LRRC45: variants seen among roughly 807,000 people sequenced by gnomAD.
LRRC45 encodes leucine-rich repeat-containing protein 45.
A neutral mutation model predicts 85.4 loss-of-function variants in LRRC45; 73 were observed. The ratio of observed to expected loss-of-function variants is 0.85; its 90% confidence interval spans 0.71 to 1.04. The LOEUF is 1.04. Ranked by LOEUF, LRRC45 falls within the 50% of genes least tolerant of loss-of-function variation. The probability of loss-of-function intolerance (pLI) is 0.00; values close to 1 mark genes in which losing one functional copy is unlikely to be tolerated. For missense variants in LRRC45, 937 were observed against 883.3 expected (o/e 1.06, Z -0.77); for synonymous variants, 429 against 386.0 (o/e 1.11, Z -1.31).
chr17:82,023,542 GC>G lies in LRRC45; in HGVS notation c.-98del. ...TTGCTCTCCGCCCGGGTCGGCGGAG[GC>G]CCCGTCTCCTGTACCCGGCGCTGGG... On this transcript the variant is annotated 5_prime_UTR_variant, in exon 1 of 17. Coordinates refer to ENST00000306688, the MANE Select transcript of LRRC45 (RefSeq NM_144999.4). 3 of 1,081,296 alleles carry G rather than the reference GC, an allele frequency of 2.8e-6. No individual in the cohort carries two copies. Among genetic ancestry groups the G allele is most frequent in the Non-Finnish European group, 3.8e-6 (3 of 785,252 alleles). 67.0% of individuals were successfully genotyped at this position (1,081,296 alleles called of 1,614,324 possible).
intron 5 of LRRC45, 141 bp downstream of exon 5, chr17:82,025,648 T>A: frequency 9.0e-7 from 1 of 1,115,226 alleles, no homozygotes; most frequent in Admixed American, 3.3e-5. Flanking sequence ...AGCGGAGGGG[T>A]CGTGGGGCAC....
intron 5 of LRRC45, among the ~76,000 whole-genome samples, chr17:82,025,738 T>C (rs983071082): frequency 1.3e-5 from 2 of 152,222 alleles, no homozygotes; most frequent in African/African-American, 4.8e-5. Flanking sequence ...TCTTAGGACC[T>C]GTGCAGTGGA....
intron 8 of LRRC45, 32 bp from the exon 9 acceptor site, chr17:82,027,979 C>CG (rs1461292334): frequency 6.4e-7 from 1 of 1,568,074 alleles, no homozygotes; most frequent in African/African-American, 1.4e-5. Context: ...AAACTCCAAC[C>CG]GGGGCGGGGG....
Position 82,031,023 on chromosome 17 carries a change from C to A in LRRC45, c.*218C>A, listed in dbSNP as rs1456602120. ...GGCCCCTTCTTCCCGGTCGACGCCACGTGGGAGCACACCGGGAAGGGGTCC... is the reference window on the plus strand; with the variant it reads ...GGCCCCTTCTTCCCGGTCGACGCCAAGTGGGAGCACACCGGGAAGGGGTCC... On this transcript the variant is annotated 3_prime_UTR_variant, in exon 17 of 17. Transcript: ENST00000306688. The A allele has an allele frequency of 1.0e-5, 4 of 396,826 alleles. No homozygotes were observed. In the East Asian group the frequency reaches 1.1e-4, roughly 11 times the overall value. 24.6% of individuals were successfully genotyped at this position (396,826 alleles called of 1,614,324 possible).
rs746956419 is a variant in LRRC45 at position 82,028,700 on chromosome 17, C to T, written c.1308+17C>T. Reference sequence around the variant, plus strand: ...ATCAAGGAGGTGCCCTCTTCGTTGGCCTCTAATGCGCCTCAGTCTCTGGTC... The same window carrying T: ...ATCAAGGAGGTGCCCTCTTCGTTGGTCTCTAATGCGCCTCAGTCTCTGGTC... On this transcript the variant is annotated intron_variant, in intron 12 of 16. Transcript: ENST00000306688. 3 of 1,604,480 alleles carry T rather than the reference C, an allele frequency of 1.9e-6. No homozygotes were observed. In the South Asian group the frequency reaches 3.3e-5, roughly 18 times the overall value.
Position 82,024,662 on chromosome 17 carries a change from G to T in LRRC45, c.283-31G>T, listed in dbSNP as rs372517506. On this transcript the variant is annotated intron_variant, in intron 2 of 16. Transcript: ENST00000306688. The stretch of plus-strand genomic sequence containing the variant: ...GGGAATTCAGAGCCAGTCAGGGCAC[G>T]CGAGTGACTACCGGCCTGTTTCTCT... 23 of 1,561,588 alleles carry T rather than the reference G, an allele frequency of 1.5e-5. No homozygotes were observed. In the African/African-American group the frequency reaches 2.9e-4, roughly 20 times the overall value.
rs1464608893 is a variant in LRRC45, at chr17:82,023,464, C to G, written c.-180C>G. The G allele has an allele frequency of 1.2e-5, 7 of 588,352 alleles. No individual in the cohort carries two copies. The highest frequency in any genetic ancestry group is 6.5e-5 in the Admixed American group (2 of 30,916). The allele number at this position is 588,352 out of a possible 1,614,324, so 36.4% of individuals were successfully genotyped here. ...GGCCCCAGCCCAAAGCGGACCTTGA[C>G]TACCGCCCAGCCCCGCGCTCCCAGG... On this transcript the variant is annotated 5_prime_UTR_variant, in exon 1 of 17. Coordinates refer to ENST00000306688, the MANE Select transcript of LRRC45 (RefSeq NM_144999.4).
At chr17:82,026,828 C>T (rs2043371956) in intron 5 of LRRC45, 71 bp from the exon 6 acceptor site, 6 of 1,293,698 alleles carry the variant, frequency 4.6e-6, no homozygotes, top group Non-Finnish European at 6.5e-6. Context: ...GATCCACCCA[C>T]CTCGACCTCC....
chr17:82,023,712 C>CCTGCAGCAG lies in LRRC45; in HGVS notation c.75_83dup (p.Gln25_Leu27dup). The CCTGCAGCAG allele has an allele frequency of 4.5e-6, 7 of 1,551,060 alleles. No individual in the cohort carries two copies. Among genetic ancestry groups the CCTGCAGCAG allele is most frequent in the Non-Finnish European group, 4.3e-6 (5 of 1,153,196 alleles). On this transcript the variant is annotated inframe_insertion, in exon 1 of 17. Coordinates refer to ENST00000306688, the MANE Select transcript of LRRC45 (RefSeq NM_144999.4). ...GTGGGGCCGAGCCCCAGGAGGCTGTCCTGCAGCAGCTGCACCAGCTTCCCA... is the reference window on the plus strand; with the variant it reads ...GTGGGGCCGAGCCCCAGGAGGCTGTCCTGCAGCAGCTGCAGCAGCTGCACCAGCTTCCCA...
In LRRC45 at chr17:82,031,106, G is replaced by C. The variant is rs2043418123; in HGVS notation, c.*301G>C. ...GTCACCGTGAACGCTGCGGCCGCCTGCGCGCGGCGGGGTTTGGAAATACAG... is the reference window on the plus strand; with the variant it reads ...GTCACCGTGAACGCTGCGGCCGCCTCCGCGCGGCGGGGTTTGGAAATACAG... On this transcript the variant is annotated 3_prime_UTR_variant, in exon 17 of 17. Transcript: ENST00000306688. The C allele has an allele frequency of 2.8e-6, 1 of 352,440 alleles. No homozygotes were observed. Among genetic ancestry groups the C allele is most frequent in the Non-Finnish European group, 5.1e-6 (1 of 196,206 alleles). 21.8% of individuals were successfully genotyped at this position (352,440 alleles called of 1,614,324 possible). A position where few individuals can be genotyped will look rare whatever the true frequency, so the allele number is the denominator to read the frequency against.
chr17:82,023,713 C>G lies in LRRC45; in HGVS notation c.70C>G (p.Leu24Val). Residue 24 changes from leucine (L) to valine (V), a missense_variant, in exon 1 of 17, where the codon CTG (leucine) becomes GTG (valine). Transcript: ENST00000306688. ...TGGGGCCGAGCCCCAGGAGGCTGTCCTGCAGCAGCTGCACCAGCTTCCCAG... is the reference window on the plus strand; with the variant it reads ...TGGGGCCGAGCCCCAGGAGGCTGTCGTGCAGCAGCTGCACCAGCTTCCCAG... ...ESGAEPQEAV[L>V]QQLHQLPRGR... 5 of 1,550,118 alleles carry G rather than the reference C, an allele frequency of 3.2e-6. No homozygotes were observed. Among genetic ancestry groups the G allele is most frequent in the Non-Finnish European group, 4.3e-6 (5 of 1,152,616 alleles).
In LRRC45 at chr17:82,030,004, A is replaced by AT. The variant is rs977487538; in HGVS notation, c.1495-59dup. 2.7e-6 allele frequency: 4 copies of AT among 1,467,826 alleles called. No individual in the cohort carries two copies. The African/African-American group carries it at 5.6e-5, about 21-fold the overall frequency. 90.9% of individuals were successfully genotyped at this position (1,467,826 alleles called of 1,614,324 possible). On this transcript the variant is annotated intron_variant, in intron 14 of 16. Transcript: ENST00000306688. ...GAGGTGGGGTCGTGCCCGTGCAGAC[A>AT]TTCCCTCAGCTGAGCTCAGGCTGAG...
intron 6 of LRRC45, 115 bp downstream of exon 6, chr17:82,027,126 C>T: frequency 5.0e-6 from 5 of 993,812 alleles, no homozygotes; most frequent in Non-Finnish European, 7.6e-6. Context: ...GGCCCTGGAG[C>T]CTCTCTGAGT....
intron 2 of LRRC45, among the ~76,000 whole-genome samples, 162 bp from the exon 3 acceptor site, chr17:82,024,531 C>T (rs943490216): frequency 6.6e-6 from 1 of 152,132 alleles, no homozygotes; most frequent in Non-Finnish European, 1.5e-5. Flanking sequence ...GCAAACAAGC[C>T]GGCCCTTGGA....
chr17:82,024,055 G>T, intron 1 of LRRC45, 192 bp downstream of exon 1: 1 of 714,684 alleles, frequency 1.4e-6, no homozygotes, highest in East Asian at 2.7e-5. Flanking sequence ...CTTAACATTC[G>T]CGGTCTTACC....
In LRRC45 at chr17:82,030,802, G is replaced by A. The variant is rs746089213; in HGVS notation, c.2010G>A (p.Lys670=). Reference sequence around the variant, plus strand: ...CCGTGAGGACCCTGAGCCCCCCAAAGTGAGACAGGCCGGGAGGACCCGGGC... The same window carrying A: ...CCGTGAGGACCCTGAGCCCCCCAAAATGAGACAGGCCGGGAGGACCCGGGC... ...ASPVRTLSPP[K] The change falls in exon 17 of 17, where the codon AAG becomes AAA. Residue 670 remains lysine, a synonymous_variant. Transcript: ENST00000306688. 1 of 1,361,940 alleles carries A rather than the reference G, an allele frequency of 7.3e-7. No individual in the cohort carries two copies. The highest frequency in any genetic ancestry group is 2.0e-5 in the South Asian group (1 of 50,506). The allele number at this position is 1,361,940 out of a possible 1,614,324, so 84.4% of individuals were successfully genotyped here.
chr17:82,025,089 G>T lies in LRRC45; in HGVS notation c.443G>T (p.Arg148Leu). 1.2e-6 allele frequency: 2 copies of T among 1,610,696 alleles called. No homozygotes were observed. Among genetic ancestry groups the T allele is most frequent in the Non-Finnish European group, 8.5e-7 (1 of 1,179,070 alleles). The stretch of plus-strand genomic sequence containing the variant: ...CTGGCGGCCAACGGCGCCCTGCAGC[G>T]GCTGGACCTCCGCAACAACCAGATC... ...GGLAANGALQRLDLRNNQISH... is the reference protein window; with the variant it reads ...GGLAANGALQLLDLRNNQISH... Residue 148 changes from arginine to leucine, a missense_variant, in exon 4 of 17, where the codon CGG (arginine) becomes CTG (leucine). Arg to Leu is a moderately radical substitution (Grantham distance 102, BLOSUM62 -2). Transcript: ENST00000306688.
intron 1 of LRRC45, 78 bp downstream of exon 1, chr17:82,023,941 C>A: frequency 7.7e-7 from 1 of 1,294,636 alleles, no homozygotes; most frequent in Non-Finnish European, 1.1e-6. Context: ...AGGTCGCTTC[C>A]TCTCCAGGCT....
rs1159663602 is a variant in LRRC45, at chr17:82,030,304, C to T, written c.1669-15C>T. Reference sequence around the variant, plus strand: ...CCCAACCCTCGCCTCACTCCCCAGCCTTCGTGCCTGGCAGGAGCTGAGCCT... The same window carrying T: ...CCCAACCCTCGCCTCACTCCCCAGCTTTCGTGCCTGGCAGGAGCTGAGCCT... On this transcript the variant is annotated splice_polypyrimidine_tract_variant and intron_variant, in intron 15 of 16. Coordinates refer to ENST00000306688, the MANE Select transcript of LRRC45 (RefSeq NM_144999.4). The T allele has an allele frequency of 3.9e-6, 6 of 1,547,286 alleles. No individual in the cohort carries two copies. The highest frequency in any genetic ancestry group is 5.2e-6 in the Non-Finnish European group (6 of 1,144,996).
Sources: gnomAD v4.1 joint callset for allele counts (sites outside exome capture counted in the v4.1 genomes callset) on GRCh38, gnomAD v4.1.1 for gene constraint, MANE v1.5 for transcripts, NCBI Gene and HGNC (gene_info 2026-07-23, HGNC 2026-07-21) for gene names.